Variants in CPNE8 observed in about 807,000 individuals in gnomAD.
The protein encoded by CPNE8 is copine 8, also known as copine-8.
Under a neutral mutation model 81.5 loss-of-function variants are expected in CPNE8, and 45 were observed. The observed-to-expected ratio is 0.55, with a 90% CI of 0.44 to 0.71. The LOEUF (loss-of-function observed/expected upper bound fraction) is 0.71. Among genes scored for constraint, CPNE8 ranks in the 30% least tolerant of loss-of-function variants. The probability of loss-of-function intolerance (pLI) is 0.00; values close to 1 mark genes in which losing one functional copy is unlikely to be tolerated. For missense variants in CPNE8, 594 were observed against 672.1 expected, an observed-to-expected ratio of 0.88 and a Z score of 1.28; for synonymous variants, 252 against 226.3, an observed-to-expected ratio of 1.11 and a Z score of -1.02.
intron 19 of CPNE8, among the ~76,000 whole-genome samples, chr12:38,656,102 T>TAAAAAAAAA (rs34646191): frequency 7.0e-6 from 1 of 141,894 alleles, no homozygotes; most frequent in African/African-American, 2.6e-5. Context: ...ATCAAAGAGG[T>TAAAAAAAAA]AAAAAAAAAA....
intron 14 of CPNE8, among the ~76,000 whole-genome samples, chr12:38,699,214 CT>C (rs970113204): frequency 2.6e-5 from 4 of 152,082 alleles, no homozygotes; most frequent in Admixed American, 1.3e-4. Flanking sequence ...CTTCTTTTCT[CT>C]TGTTTTCCAT....
rs757576361 is a variant in CPNE8 at position 38,730,275 on chromosome 12, C to A, written c.798+8G>T. On this transcript the variant is annotated splice_region_variant and intron_variant, in intron 11 of 19. Coordinates refer to ENST00000331366, the MANE Select transcript of CPNE8 (RefSeq NM_153634.3). ...AAAAAAACAATGGTAAAATAAAATGCCTCTTACCTCATATACGTTGAATTG... is the reference window on the plus strand; with the variant it reads ...AAAAAAACAATGGTAAAATAAAATGACTCTTACCTCATATACGTTGAATTG... The A allele has an allele frequency of 2.7e-6, 4 of 1,497,928 alleles. No individual in the cohort carries two copies. The South Asian group carries it at 3.4e-5, about 13-fold the overall frequency. The allele number at this position is 1,497,928 out of a possible 1,614,324, so 92.8% of individuals were successfully genotyped here.
chr12:38,774,474 A>G (rs1941880143), intron 7 of CPNE8, among the ~76,000 whole-genome samples: 1 of 152,172 alleles, frequency 6.6e-6, no homozygotes, highest in Non-Finnish European at 1.5e-5. Context: ...TTAACTAAAA[A>G]AATAGGATAG....
chr12:38,803,258 A>G (rs1336926935), intron 6 of CPNE8, among the ~76,000 whole-genome samples: 41 of 50,668 alleles, frequency 8.1e-4, no homozygotes, highest in Non-Finnish European at 1.5e-3. Flanking sequence ...AAAATCCTCA[A>G]TAAAATACTG....
chr12:38,721,708 G>T (rs773035470), intron 13 of CPNE8, among the ~76,000 whole-genome samples: 1 of 152,222 alleles, frequency 6.6e-6, no homozygotes, highest in Admixed American at 6.5e-5. Flanking sequence ...CCCTGGGGGA[G>T]CCCAGACCTG....
chr12:38,874,987 T>C (rs1173630587), intron 1 of CPNE8, among the ~76,000 whole-genome samples: 4 of 152,214 alleles, frequency 2.6e-5, no homozygotes, highest in Non-Finnish European at 2.9e-5. Context: ...GACATTTGTG[T>C]TACATCAACC....
chr12:38,781,715 G>A (rs1253584874), intron 6 of CPNE8, among the ~76,000 whole-genome samples: 1 of 152,010 alleles, frequency 6.6e-6, no homozygotes, highest in Non-Finnish European at 1.5e-5. Context: ...TTGGCAAGGT[G>A]ATCAAGGTTA....
At chr12:38,673,286 C>A (rs1208487932) in intron 18 of CPNE8, among the ~76,000 whole-genome samples, 1 of 152,016 alleles carries the variant, frequency 6.6e-6, no homozygotes, top group Non-Finnish European at 1.5e-5. Flanking sequence ...TATAAATTAC[C>A]CAGTCTCATT....
Position 38,767,697 on chromosome 12 carries a change from C to A in CPNE8, c.513G>T (p.Lys171Asn). Reference protein sequence around the residue: ...LMQFCANKLDKKDFFGKSDPF... With the variant: ...LMQFCANKLDNKDFFGKSDPF... Reference sequence around the variant, plus strand: ...GATCTGATTTTCCAAAGAAGTCCTTCTTGTCCAATTTGTTCGCACAAAATT... The same window carrying A: ...GATCTGATTTTCCAAAGAAGTCCTTATTGTCCAATTTGTTCGCACAAAATT... The change falls in exon 8 of 20, where the codon AAG (lysine) becomes AAT (asparagine). Residue 171 changes from lysine to asparagine, a missense_variant. Lys to Asn is a moderately conservative substitution (Grantham distance 94, BLOSUM62 0). Coordinates refer to ENST00000331366, the MANE Select transcript of CPNE8 (RefSeq NM_153634.3). 1 of 1,561,220 alleles carries A rather than the reference C, an allele frequency of 6.4e-7. No homozygotes were observed. The highest frequency in any genetic ancestry group is 8.6e-7 in the Non-Finnish European group (1 of 1,160,360).
chr12:38,901,770 T>C (rs1033101567), intron 1 of CPNE8, among the ~76,000 whole-genome samples: 3 of 152,074 alleles, frequency 2.0e-5, no homozygotes, highest in Admixed American at 6.5e-5. Context: ...AAACCATGCC[T>C]ATCCAGCTTG....
intron 6 of CPNE8, among the ~76,000 whole-genome samples, chr12:38,785,817 GCAAA>G (rs974796607): frequency 2.0e-5 from 3 of 152,018 alleles, no homozygotes; most frequent in Non-Finnish European, 2.9e-5. Flanking sequence ...CCTTGTTTAT[GCAAA>G]CAGTGTTAAG....
intron 6 of CPNE8, among the ~76,000 whole-genome samples, chr12:38,795,905 T>TAGATAGATAGATGAC (rs1555160643): frequency 5.1e-4 from 76 of 148,356 alleles, no homozygotes; most frequent in African/African-American, 1.9e-3. Context: ...AGATAGAAGA[T>TAGATAGATAGATGAC]AGATAATACA....
intron 10 of CPNE8, among the ~76,000 whole-genome samples, chr12:38,759,390 C>T (rs1941528931): frequency 6.6e-6 from 1 of 152,152 alleles, no homozygotes; most frequent in Admixed American, 6.5e-5. Context: ...CAGCAAAACT[C>T]ATTATCTCAG....
At chr12:38,694,767 A>T (rs1034587261) in intron 14 of CPNE8, among the ~76,000 whole-genome samples, 9 of 152,214 alleles carry the variant, frequency 5.9e-5, no homozygotes, top group Admixed American at 5.9e-4. Flanking sequence ...AAAAATGGAA[A>T]GTTAAATGAG....
intron 13 of CPNE8, among the ~76,000 whole-genome samples, chr12:38,717,265 T>G (rs1940418582): frequency 6.6e-6 from 1 of 151,586 alleles, no homozygotes; most frequent in Admixed American, 6.6e-5. Flanking sequence ...AACCACCATT[T>G]CATTCAGCAA....
intron 13 of CPNE8, 91 bp downstream of exon 13, chr12:38,723,681 T>A: frequency 1.3e-6 from 1 of 789,598 alleles, no homozygotes; most frequent in Admixed American, 2.2e-5. Flanking sequence ...ATAAAGGTGA[T>A]CATTTCAGTG....
rs189481887 is a variant in CPNE8 at position 38,786,728 on chromosome 12, T to A, written c.408-10427A>T. 1.4e-3 allele frequency among the ~76,000 whole-genome samples: 207 copies of A among 152,196 alleles called. 1 individual carries two copies. Among genetic ancestry groups the A allele is most frequent in the Admixed American group, 3.0e-3 (46 of 15,268 alleles). On this transcript the variant is annotated intron_variant, in intron 6 of 19. Transcript: ENST00000331366. Reference sequence around the variant, plus strand: ...ACAAAATAGGTTTCAAGACAAAAACTATCAAAAGAGACAAAGAAGGTCACT... The same window carrying A: ...ACAAAATAGGTTTCAAGACAAAAACAATCAAAAGAGACAAAGAAGGTCACT...
chr12:38,708,783 A>G (rs1459228546), intron 13 of CPNE8, among the ~76,000 whole-genome samples: 1 of 152,184 alleles, frequency 6.6e-6, no homozygotes, highest in Non-Finnish European at 1.5e-5. Flanking sequence ...ATCAAAGAAA[A>G]CTAGACACAC....
At chr12:38,815,873 A>C (rs1026708931) in intron 6 of CPNE8, among the ~76,000 whole-genome samples, 3 of 152,222 alleles carry the variant, frequency 2.0e-5, no homozygotes, top group African/African-American at 7.2e-5. Context: ...TAACAAAAAC[A>C]AAGTAAACTG....
Sources: gnomAD v4.1 joint callset for allele counts (sites outside exome capture counted in the v4.1 genomes callset) on GRCh38, gnomAD v4.1.1 for gene constraint, MANE v1.5 for transcripts, NCBI Gene and HGNC (gene_info 2026-07-23, HGNC 2026-07-21) for gene names.